Variants in CDC14A observed in about 807,000 individuals in gnomAD.
CDC14A encodes dual specificity protein phosphatase CDC14A.
A neutral mutation model predicts 74.4 loss-of-function variants in CDC14A; 53 were observed. The observed-to-expected ratio is 0.71, with a 90% confidence interval of 0.57 to 0.89. The LOEUF (loss-of-function observed/expected upper bound fraction) is 0.89. Among genes scored for constraint, CDC14A ranks in the 40% least tolerant of loss-of-function variants. The pLI is 0.00. For missense variants in CDC14A, 646 were observed against 713.7 expected (o/e 0.91, Z 1.08); for synonymous variants, 247 against 258.4 (o/e 0.96, Z 0.43).
intron 4 of CDC14A, among the ~76,000 whole-genome samples, chr1:100,400,758 C>T (rs1659143024): frequency 6.6e-6 from 1 of 152,194 alleles, no homozygotes; most frequent in African/African-American, 2.4e-5. Flanking sequence ...AGAGCAGTGT[C>T]ACCTCTTAAC....
chr1:100,365,494 C>G (rs539741843), intron 2 of CDC14A, among the ~76,000 whole-genome samples: 2 of 152,358 alleles, frequency 1.3e-5, no homozygotes, highest in Non-Finnish European at 2.9e-5. Context: ...TAGGAGCCAT[C>G]TAATTCAGTG....
chr1:100,440,346 G>A (rs1054183017), intron 6 of CDC14A, among the ~76,000 whole-genome samples: 3 of 152,104 alleles, frequency 2.0e-5, no homozygotes, highest in Non-Finnish European at 2.9e-5. Context: ...AAGCCACTGT[G>A]CTCCTCTGCT....
intron 15 of CDC14A, among the ~76,000 whole-genome samples, chr1:100,509,256 C>T (rs1430366485): frequency 2.0e-5 from 3 of 152,164 alleles, no homozygotes; most frequent in Non-Finnish European, 2.9e-5. Flanking sequence ...TTAATCTCAC[C>T]AGACCATAGC....
intron 3 of CDC14A, 37 bp downstream of exon 3, chr1:100,377,658 A>G: frequency 6.7e-7 from 1 of 1,490,042 alleles, no homozygotes; most frequent in African/African-American, 1.4e-5. Flanking sequence ...TTGGAATTAA[A>G]ACATTTGAAC....
At position 100,519,804 on chromosome 1, in the gene CDC14A, T is replaced by G. The variant is rs1650541084; in HGVS notation, c.*1524T>G. The G allele has an allele frequency of 6.6e-6, 1 of 152,180 alleles. No individual in the cohort carries two copies. The highest frequency in any genetic ancestry group is 2.4e-5 in the African/African-American group (1 of 41,106). 9.4% of individuals were successfully genotyped at this position (152,180 alleles called of 1,614,324 possible). On this transcript the variant is annotated 3_prime_UTR_variant, in exon 16 of 16. Coordinates refer to ENST00000336454, the MANE Select transcript of CDC14A (RefSeq NM_003672.4). ...GTGGAATTATGTATCTTTTCTAAAG[T>G]TAAAAAAGTAAAATATTTTATTATG...
In CDC14A at chr1:100,428,840, G is replaced by T. The variant is rs371712597; in HGVS notation, c.389+4539G>T. ...TTTTATACTTATTTCTTTGTTTATT[G>T]GTCCATATGTATCAGGTTGGTACGT... On this transcript the variant is annotated intron_variant, in intron 5 of 15. Transcript: ENST00000336454. Among the ~76,000 whole-genome samples, 45 of 152,060 alleles carry T rather than the reference G, an allele frequency of 3.0e-4. No homozygotes were observed. The South Asian group carries it at 5.6e-3, about 19-fold the overall frequency.
intron 2 of CDC14A, among the ~76,000 whole-genome samples, chr1:100,360,069 A>AG (rs1652493046): frequency 6.8e-6 from 1 of 146,670 alleles, no homozygotes; most frequent in African/African-American, 2.5e-5. Flanking sequence ...CAGCCTCCTG[A>AG]GTAGCTGGGA....
At chr1:100,394,586 A>T (rs1284640164) in intron 4 of CDC14A, among the ~76,000 whole-genome samples, 2 of 152,206 alleles carry the variant, frequency 1.3e-5, no homozygotes, top group Non-Finnish European at 2.9e-5. Flanking sequence ...ACCACTTTAA[A>T]GCAACCAAAA....
At chr1:100,420,352 G>A (rs916476273) in intron 4 of CDC14A, among the ~76,000 whole-genome samples, 2 of 151,362 alleles carry the variant, frequency 1.3e-5, no homozygotes, top group Admixed American at 1.3e-4. Context: ...ATTCCAAAAT[G>A]CTTCAGAAAT....
chr1:100,385,531 C>A (rs1656715711), intron 3 of CDC14A, among the ~76,000 whole-genome samples: 1 of 152,172 alleles, frequency 6.6e-6, no homozygotes. Flanking sequence ...GAGAATTATT[C>A]AAATTCTGAA....
rs184152856 is a variant in CDC14A at position 100,453,009 on chromosome 1, G to A, written c.520-2396G>A. ...ACTTTGGAAGACTACCAAAGTAAGCGTATATTATATTAGGTCAGTTAAAAG... is the reference window on the plus strand; with the variant it reads ...ACTTTGGAAGACTACCAAAGTAAGCATATATTATATTAGGTCAGTTAAAAG... On this transcript the variant is annotated intron_variant, in intron 7 of 15. Transcript: ENST00000336454. Among the ~76,000 whole-genome samples, 5 of 152,138 alleles carry A rather than the reference G, an allele frequency of 3.3e-5. No homozygotes were observed. In the East Asian group the frequency reaches 5.8e-4, roughly 18 times the overall value.
At chr1:100,349,358 C>A (rs1015388290), upstream of CDC14A, among the ~76,000 whole-genome samples, 1 of 152,050 alleles carries the variant, frequency 6.6e-6, no homozygotes, top group African/African-American at 2.4e-5. Flanking sequence ...CTTAAAAGTC[C>A]ATTCCTTAAG....
chr1:100,407,762 C>A (rs925161403), intron 4 of CDC14A, among the ~76,000 whole-genome samples: 1 of 151,998 alleles, frequency 6.6e-6, no homozygotes, highest in East Asian at 1.9e-4. Context: ...GTGTCTCACT[C>A]GTATTTGTAT....
chr1:100,495,896 G>C, intron 12 of CDC14A, 106 bp from the exon 13 acceptor site: 1 of 903,562 alleles, frequency 1.1e-6, no homozygotes, highest in Non-Finnish European at 1.8e-6. Context: ...TCTCCCTTTT[G>C]CTAATTTAAT....
chr1:100,373,669 T>G (rs1654794890), intron 2 of CDC14A, among the ~76,000 whole-genome samples: 1 of 152,190 alleles, frequency 6.6e-6, no homozygotes, highest in Non-Finnish European at 1.5e-5. Flanking sequence ...GACTGGTCAG[T>G]AAGGGGATTA....
chr1:100,447,284 A>G (rs529830248), intron 7 of CDC14A, among the ~76,000 whole-genome samples: 1 of 152,328 alleles, frequency 6.6e-6, no homozygotes, highest in East Asian at 1.9e-4. Context: ...GGCCCATTGT[A>G]TTAAGTATTG....
At chr1:100,462,971 G>A in intron 9 of CDC14A, 90 bp downstream of exon 9, 1 of 901,760 alleles carries the variant, frequency 1.1e-6, no homozygotes, top group Non-Finnish European at 1.7e-6. Context: ...CCTGTTTAGT[G>A]TCTTAGAAAA....
chr1:100,381,217 T>A (rs533841060), intron 3 of CDC14A, among the ~76,000 whole-genome samples: 1 of 152,268 alleles, frequency 6.6e-6, no homozygotes, highest in Admixed American at 6.5e-5. Context: ...CTTCCAGAGG[T>A]TTCAGAAGAA....
chr1:100,351,629 C>G (rs1198740704), upstream of CDC14A: 2 of 844,074 alleles, frequency 2.4e-6, no homozygotes, highest in Non-Finnish European at 3.8e-6. Context: ...CTGTTCCCTC[C>G]GCGCCCGCCC....
Sources: allele counts gnomAD v4.1 joint callset (sites outside exome capture counted in the v4.1 genomes callset), GRCh38; gene constraint gnomAD v4.1.1; transcripts MANE v1.5; gene names NCBI Gene and HGNC (gene_info 2026-07-23, HGNC 2026-07-21).